TNRC18: variants seen among roughly 807,000 people sequenced by gnomAD.
TNRC18 encodes the protein trinucleotide repeat containing 18.
TNRC18 carries 69 observed loss-of-function variants against 226.7 expected under a neutral mutation model. The ratio of observed to expected loss-of-function variants is 0.30; its 90% CI spans 0.25 to 0.37. The LOEUF (loss-of-function observed/expected upper bound fraction) is 0.37. Among genes scored for constraint, TNRC18 ranks in the 10% least tolerant of loss-of-function variants. The pLI is 1.00. For synonymous variants in TNRC18, 2,449 were observed against 1,927.6 expected (o/e 1.27, Z -7.09); for missense variants, 4,754 against 4,256.6 (o/e 1.12, Z -3.25).
Position 5,388,599 on chromosome 7 carries a change from C to A in TNRC18, c.1225G>T (p.Val409Phe). 1.8e-5 allele frequency: 23 copies of A among 1,296,034 alleles called. No homozygotes were observed. Among genetic ancestry groups the A allele is most frequent in the Non-Finnish European group, 2.3e-5 (23 of 1,022,140 alleles). 80.3% of individuals were successfully genotyped at this position (1,296,034 alleles called of 1,614,324 possible). ...AREREAGRPG[V>F]LQAPPGSPRP... ...GGGGAGCCGGGGGGCGCCTGCAGGA[C>A]CCCTGGCCTGCCAGCCTCGCGCTCG... Residue 409 changes from valine (V) to phenylalanine (F), a missense_variant, in exon 5 of 30, where the codon GTC becomes TTC. By Grantham distance (50) the Val-to-Phe change is conservative (BLOSUM62 -1). Coordinates refer to ENST00000430969, the MANE Select transcript of TNRC18 (RefSeq NM_001080495.3).
At chr7:5,326,738 C>T (rs988677179) in intron 19 of TNRC18, among the ~76,000 whole-genome samples, 19 of 150,792 alleles carry the variant, frequency 1.3e-4, no homozygotes, top group African/African-American at 3.9e-4. Context: ...ACCCGGTAGG[C>T]GGAGGTTGCA....
At chr7:5,396,609 T>G (rs1780708499) in intron 2 of TNRC18, among the ~76,000 whole-genome samples, 1 of 152,132 alleles carries the variant, frequency 6.6e-6, no homozygotes, top group Admixed American at 6.5e-5. Context: ...GCAGCTGATT[T>G]CAAATCCTCC....
chr7:5,308,395 A>G (rs1786800403), intron 29 of TNRC18, 83 bp from the exon 30 acceptor site: 9 of 1,298,060 alleles, frequency 6.9e-6, no homozygotes, highest in Non-Finnish European at 9.6e-6. Flanking sequence ...GGACAGAGAC[A>G]GAAGCAGAGG....
rs1293171857 is a variant in TNRC18, at chr7:5,332,927, G to T, written c.5842C>A (p.Pro1948Thr). The T allele has an allele frequency of 1.9e-6, 3 of 1,545,030 alleles. No homozygotes were observed. The highest frequency in any genetic ancestry group is 2.6e-6 in the Non-Finnish European group (3 of 1,152,566). ...CTGGGGTCGGGACCGCGGGCGCCAGGCGTGGGTGCGGCCAGGGAGGGTCCC... is the reference window on the plus strand; with the variant it reads ...CTGGGGTCGGGACCGCGGGCGCCAGTCGTGGGTGCGGCCAGGGAGGGTCCC... ...EPGPSLAAPT[P>T]GARGPDPSSP... Residue 1948 changes from proline (P) to threonine (T), a missense_variant, in exon 19 of 30, where the codon CCT (proline) becomes ACT (threonine). By Grantham distance (38) the Pro-to-Thr change is conservative. Transcript: ENST00000430969.
At chr7:5,361,495 C>A (rs902324006) in intron 14 of TNRC18, 99 bp downstream of exon 14, 4 of 1,358,442 alleles carry the variant, frequency 2.9e-6, no homozygotes, top group Non-Finnish European at 3.8e-6. Context: ...CCGAGGGACG[C>A]GAGGTCCCCC....
intron 3 of TNRC18, among the ~76,000 whole-genome samples, chr7:5,390,987 C>T (rs989515699): frequency 1.3e-5 from 2 of 152,190 alleles, no homozygotes; most frequent in Admixed American, 6.6e-5. Flanking sequence ...AATGTCCTCA[C>T]TTTAAAGACG....
intron 14 of TNRC18, among the ~76,000 whole-genome samples, chr7:5,360,894 C>G (rs796492876): frequency 3.3e-5 from 5 of 152,342 alleles, no homozygotes; most frequent in African/African-American, 1.2e-4. Context: ...CACGCTCCTT[C>G]TGCTTCCTCA....
At chr7:5,362,089 C>A (rs1270223465) in intron 12 of TNRC18, 56 bp from the exon 13 acceptor site, 5 of 1,584,496 alleles carry the variant, frequency 3.2e-6, no homozygotes, top group Non-Finnish European at 4.3e-6. Flanking sequence ...CCTAACGACG[C>A]CCACCGCCCA....
intron 18 of TNRC18, among the ~76,000 whole-genome samples, chr7:5,343,769 G>C (rs1341848616): frequency 6.6e-6 from 1 of 152,186 alleles, no homozygotes; most frequent in African/African-American, 2.4e-5. Context: ...TGTTTTCTCA[G>C]ACATAATGCT....
At chr7:5,335,716 A>G (rs920710946) in intron 18 of TNRC18, among the ~76,000 whole-genome samples, 2 of 151,860 alleles carry the variant, frequency 1.3e-5, no homozygotes, top group African/African-American at 4.8e-5. Flanking sequence ...ATAGACTCCA[A>G]GCAGCCCAGG....
In TNRC18 at chr7:5,356,826, GGGGC is replaced by G. The variant is rs1562539088; in HGVS notation, c.5194+86_5194+89del. The G allele has an allele frequency of 2.3e-4, 294 of 1,280,758 alleles. 2 individuals are homozygous for G. The African/African-American group carries it at 3.5e-3, about 15-fold the overall frequency. The allele number at this position is 1,280,758 out of a possible 1,614,324, so 79.3% of individuals were successfully genotyped here. On this transcript the variant is annotated intron_variant, in intron 16 of 29. Coordinates refer to ENST00000430969, the MANE Select transcript of TNRC18 (RefSeq NM_001080495.3). ...AGAGCGAGAGCGAGAGAGAGAGTGA[GGGGC>G]GGGGGGGGAAGGAGGACGGTGGAGA...
chr7:5,343,669 C>T (rs753154913), intron 18 of TNRC18, among the ~76,000 whole-genome samples: 6 of 152,198 alleles, frequency 3.9e-5, no homozygotes, highest in Non-Finnish European at 5.9e-5. Flanking sequence ...TCAACCAATC[C>T]TCCTGCCTTG....
At chr7:5,391,764 A>G (rs1394998398) in intron 3 of TNRC18, among the ~76,000 whole-genome samples, 3 of 148,734 alleles carry the variant, frequency 2.0e-5, no homozygotes, top group Non-Finnish European at 3.0e-5. Flanking sequence ...TGGGAGGCCG[A>G]TGGGGGAGGA....
Position 5,389,193 on chromosome 7 carries a change from C to A in TNRC18, c.631G>T (p.Gly211Cys). Residue 211 changes from glycine to cysteine, a missense_variant, in exon 5 of 30, where the codon GGC becomes TGC. Physicochemically the swap from Gly to Cys is radical, Grantham distance 159. Coordinates refer to ENST00000430969, the MANE Select transcript of TNRC18 (RefSeq NM_001080495.3). Reference protein sequence around the residue: ...SRDGPAKERAGRGGEPPPLFG... With the variant: ...SRDGPAKERACRGGEPPPLFG... ...AGCGGAGGCGGCTCCCCGCCGCGGC[C>A]CGCCCGCTCCTTGGCTGGACCGTCC... 7.6e-7 allele frequency: 1 copy of A among 1,322,724 alleles called. No homozygotes were observed. The highest frequency in any genetic ancestry group is 9.6e-7 in the Non-Finnish European group (1 of 1,038,784). The allele number at this position is 1,322,724 out of a possible 1,614,324, so 81.9% of individuals were successfully genotyped here.
At chr7:5,351,238 G>A (rs374080924) in intron 17 of TNRC18, among the ~76,000 whole-genome samples, 5 of 151,918 alleles carry the variant, frequency 3.3e-5, no homozygotes, top group African/African-American at 9.7e-5. Context: ...AGAGGGAAGC[G>A]TCAACCTAAT....
rs756488095 is a variant in TNRC18, at chr7:5,320,649, C to T, written c.6561-42G>A. On this transcript the variant is annotated intron_variant, in intron 22 of 29. Coordinates refer to ENST00000430969, the MANE Select transcript of TNRC18 (RefSeq NM_001080495.3). ...GGCGTGAGGTGGCAGAGGCCGAGAC[C>T]TCCCCAGAGGGCCTCAATCCCACCA... 2.5e-6 allele frequency: 4 copies of T among 1,579,400 alleles called. No homozygotes were observed. In the East Asian group the frequency reaches 9.0e-5, roughly 36 times the overall value.
chr7:5,385,494 C>CAAAAAAAAAAAAAAAAAAAA (rs60919833), intron 5 of TNRC18, among the ~76,000 whole-genome samples: 1 of 88,098 alleles, frequency 1.1e-5, no homozygotes, highest in African/African-American at 3.6e-5. Context: ...GACTCCGTCT[C>CAAAAAAAAAAAAAAAAAAAA]AAAAAAAAAA....
At chr7:5,412,531 G>A (rs907816330) in intron 2 of TNRC18, among the ~76,000 whole-genome samples, 3 of 151,388 alleles carry the variant, frequency 2.0e-5, no homozygotes, top group Middle Eastern at 3.5e-3. Flanking sequence ...GGCTGAGATC[G>A]CGCCACCGCA....
At chr7:5,421,551 AAAAT>A (rs1167644793) in intron 1 of TNRC18, 62 bp from the exon 2 acceptor site, 1 of 152,256 alleles carries the variant, frequency 6.6e-6, no homozygotes, top group Non-Finnish European at 1.5e-5. Context: ...AAGGGAAAAA[AAAAT>A]AAAGTAACAA....
Sources: gnomAD v4.1 joint callset for allele counts (sites outside exome capture counted in the v4.1 genomes callset) on GRCh38, gnomAD v4.1.1 for gene constraint, MANE v1.5 for transcripts, NCBI Gene and HGNC (gene_info 2026-07-23, HGNC 2026-07-21) for gene names.